MYO5A: variants seen among roughly 807,000 people sequenced by gnomAD.
MYO5A encodes unconventional myosin-Va.
In MYO5A, 98 loss-of-function variants were observed where a neutral mutation model predicts 249.7. That is an observed-to-expected ratio of 0.39 (90% CI 0.33 to 0.46). The LOEUF is 0.46. MYO5A is among the 20% of genes least tolerant of loss of function. The pLI is 0.98. For missense variants in MYO5A, 1,696 were observed against 2,308.8 expected (o/e 0.73, Z 5.44); for synonymous variants, 778 against 810.6 (o/e 0.96, Z 0.68).
intron 1 of MYO5A, among the ~76,000 whole-genome samples, chr15:52,469,292 A>T (rs550495126): frequency 1.3e-5 from 2 of 152,362 alleles, no homozygotes; most frequent in Admixed American, 1.3e-4. Context: ...AGTTTTACTG[A>T]TAACATAAAC....
At chr15:52,421,842 T>G (rs1459581425) in intron 4 of MYO5A, among the ~76,000 whole-genome samples, 1 of 152,254 alleles carries the variant, frequency 6.6e-6, no homozygotes, top group Non-Finnish European at 1.5e-5. Context: ...TGAGCTTATA[T>G]GATTAGTTAT....
chr15:52,432,105 A>G (rs2075553565), intron 2 of MYO5A, among the ~76,000 whole-genome samples: 1 of 149,232 alleles, frequency 6.7e-6, no homozygotes, highest in South Asian at 2.1e-4. Context: ...TGAGCCCATA[A>G]TAAATAAATG....
chr15:52,519,761 T>C (rs569145713), intron 1 of MYO5A, among the ~76,000 whole-genome samples: 3 of 152,060 alleles, frequency 2.0e-5, no homozygotes, highest in Admixed American at 6.5e-5. Flanking sequence ...GACAGAGTCT[T>C]GCTTTGTCGC....
At chr15:52,483,613 C>A (rs2076760137) in intron 1 of MYO5A, among the ~76,000 whole-genome samples, 3 of 152,140 alleles carry the variant, frequency 2.0e-5, no homozygotes, top group African/African-American at 7.2e-5. Context: ...GTTTTCCTTC[C>A]CCATCCATTC....
chr15:52,309,613 G>C lies in MYO5A; in HGVS notation c.*4083C>G, dbSNP rs2037715373. 6.6e-6 allele frequency: 1 copy of C among 152,148 alleles called. No individual in the cohort carries two copies. Among genetic ancestry groups the C allele is most frequent in the Admixed American group, 6.6e-5 (1 of 15,266 alleles). 9.4% of individuals were successfully genotyped at this position (152,148 alleles called of 1,614,324 possible). Reference sequence around the variant, plus strand: ...TATCTCTATTCCCAAGCTATCATCAGAAATGATTGTAGAAGCGACCCCACC... The same window carrying C: ...TATCTCTATTCCCAAGCTATCATCACAAATGATTGTAGAAGCGACCCCACC... On this transcript the variant is annotated 3_prime_UTR_variant, in exon 42 of 42. Coordinates refer to ENST00000399233, the MANE Select transcript of MYO5A (RefSeq NM_001382347.1).
rs773125298 is a variant in MYO5A, at chr15:52,343,137, T to G, written c.4020A>C (p.Glu1340Asp). 1 of 1,613,454 alleles carries G rather than the reference T, an allele frequency of 6.2e-7. No homozygotes were observed. The highest frequency in any genetic ancestry group is 1.7e-5 in the Admixed American group (1 of 60,012). ...ATAACCTGTTGGCTTGTTTTAACCC[T>G]TCATAAACCAGCCACAGCTCTCCAT... is the stretch of plus-strand genomic sequence containing the variant. ...NEDGELWLVYEGLKQANRLLE... is the reference protein window; with the variant it reads ...NEDGELWLVYDGLKQANRLLE... Residue 1340 changes from glutamate to aspartate, a missense_variant, in exon 31 of 42, where the codon GAA (glutamate) becomes GAC (aspartate). Physicochemically the swap from Glu to Asp is conservative, Grantham distance 45. This residue lies in a region of MYO5A where 625 missense variants were observed against 908.1 expected (regional missense o/e 0.69). Transcript: ENST00000399233.
At position 52,469,621 on chromosome 15, in the gene MYO5A, T is replaced by C. The variant is rs1595740900; in HGVS notation, c.28-36336A>G. Among the ~76,000 whole-genome samples the C allele has an allele frequency of 2.6e-5, 4 of 152,270 alleles. No individual in the cohort carries two copies. The South Asian group carries it at 8.3e-4, about 32-fold the overall frequency. On this transcript the variant is annotated intron_variant, in intron 1 of 41. Transcript: ENST00000399233. ...CAGAAATACGTCATAATTTCTGTCT[T>C]TTTTGCTTTTCCATTCTCTAAGAAT...
At chr15:52,399,569 C>T (rs1174066097) in intron 9 of MYO5A, among the ~76,000 whole-genome samples, 7 of 152,126 alleles carry the variant, frequency 4.6e-5, no homozygotes, top group African/African-American at 2.4e-5. Flanking sequence ...GCTAGCATGT[C>T]TTTTCTAAAC....
rs369888823 is a variant in MYO5A, at chr15:52,338,266, T to C, written c.4240-382A>G. Among the ~76,000 whole-genome samples, 29 of 143,944 alleles carry C rather than the reference T, an allele frequency of 2.0e-4. No individual in the cohort carries two copies. The South Asian group carries it at 2.2e-3, about 11-fold the overall frequency. The allele number at this position is 143,944 out of a possible 152,430, so 94.4% of individuals were successfully genotyped here. ...TTGCCGCCAGCAGCAGTGGCAAGAATAGGGGAGGTAAATATAATAAAAGTG... is the reference window on the plus strand; with the variant it reads ...TTGCCGCCAGCAGCAGTGGCAAGAACAGGGGAGGTAAATATAATAAAAGTG... On this transcript the variant is annotated intron_variant, in intron 32 of 41. Transcript: ENST00000399233.
chr15:52,375,539 G>A (rs1179233628), intron 19 of MYO5A, 79 bp from the exon 20 acceptor site: 37 of 1,479,100 alleles, frequency 2.5e-5, no homozygotes, highest in Non-Finnish European at 3.1e-5. Flanking sequence ...CTTAAAGAGT[G>A]TCACTGTTTT....
At chr15:52,445,341 G>A (rs990947385) in intron 1 of MYO5A, among the ~76,000 whole-genome samples, 2 of 152,038 alleles carry the variant, frequency 1.3e-5, no homozygotes, top group Admixed American at 6.6e-5. Flanking sequence ...AAAGCTCCCT[G>A]AGGCCTCCCT....
intron 1 of MYO5A, among the ~76,000 whole-genome samples, chr15:52,477,066 A>C (rs1488809235): frequency 1.3e-5 from 2 of 152,146 alleles, no homozygotes; most frequent in African/African-American, 4.8e-5. Flanking sequence ...ACATAGTCCC[A>C]TATTTCTTGG....
intron 2 of MYO5A, among the ~76,000 whole-genome samples, chr15:52,430,717 T>C (rs568448161): frequency 6.6e-6 from 1 of 152,200 alleles, no homozygotes; most frequent in East Asian, 1.9e-4. Context: ...AAATTAAACA[T>C]AGACACTGTA....
At chr15:52,480,759 T>C (rs372246150) in intron 1 of MYO5A, among the ~76,000 whole-genome samples, 3 of 152,202 alleles carry the variant, frequency 2.0e-5, no homozygotes, top group East Asian at 3.8e-4. Context: ...AATTCTTCCT[T>C]AGCATTATCT....
chr15:52,493,033 G>C (rs1254237615), intron 1 of MYO5A, among the ~76,000 whole-genome samples: 1 of 150,040 alleles, frequency 6.7e-6, no homozygotes, highest in African/African-American at 2.4e-5. Context: ...CTATCACCAA[G>C]GCCTGAGGGA....
At position 52,506,433 on chromosome 15, in the gene MYO5A, G is replaced by A. The variant is rs896118495; in HGVS notation, c.27+22347C>T. Among the ~76,000 whole-genome samples the A allele has an allele frequency of 7.9e-5, 12 of 151,994 alleles. No individual in the cohort carries two copies. The South Asian group carries it at 8.3e-4, about 11-fold the overall frequency. On this transcript the variant is annotated intron_variant, in intron 1 of 41. Coordinates refer to ENST00000399233, the MANE Select transcript of MYO5A (RefSeq NM_001382347.1). ...TCCCAGCTACTCAGGTGGCTGAGGC[G>A]TGGGAATCACTTGAACCTGGGAAGT...
At chr15:52,501,673 ATT>A (rs917818623) in intron 1 of MYO5A, among the ~76,000 whole-genome samples, 8 of 152,242 alleles carry the variant, frequency 5.3e-5, no homozygotes, top group Non-Finnish European at 1.2e-4. Context: ...AAAAGAAAAT[ATT>A]TGTTTTTTTC....
At chr15:52,346,336 A>G in intron 30 of MYO5A, 25 bp downstream of exon 30, 2 of 1,417,110 alleles carry the variant, frequency 1.4e-6, no homozygotes, top group Non-Finnish European at 2.0e-6. Flanking sequence ...TTAAACCAAA[A>G]TGAATAAAAG....
At chr15:52,493,828 A>G (rs1337025136) in intron 1 of MYO5A, among the ~76,000 whole-genome samples, 1 of 152,206 alleles carries the variant, frequency 6.6e-6, no homozygotes, top group Non-Finnish European at 1.5e-5. Flanking sequence ...TCCATAGACA[A>G]GAATTGAAGG....
Sources: gnomAD v4.1 joint callset for allele counts (sites outside exome capture counted in the v4.1 genomes callset) on GRCh38, gnomAD v4.1.1 for gene constraint, gnomAD v4.1.1 regional missense constraint, MANE v1.5 for transcripts, NCBI Gene and HGNC (gene_info 2026-07-23, HGNC 2026-07-21) for gene names.